The following MED4 variants were observed in gnomAD, a reference collection of about 807,000 sequenced individuals.
MED4 encodes the protein mediator of RNA polymerase II transcription subunit 4.
A neutral mutation model predicts 35.0 loss-of-function variants in MED4; 21 were observed. That is an observed-to-expected ratio of 0.60 (90% CI 0.43 to 0.86). The LOEUF is 0.86. Among genes scored for constraint, MED4 ranks in the 40% least tolerant of loss-of-function variants. MED4 has a pLI of 0.00. For synonymous variants in MED4, 138 were observed against 114.0 expected (o/e 1.21, Z -1.34); for missense variants, 300 against 319.4 (o/e 0.94, Z 0.46).
At chr13:48,084,105 A>G (rs1401918832) in intron 3 of MED4, among the ~76,000 whole-genome samples, 1 of 152,108 alleles carries the variant, frequency 6.6e-6, no homozygotes, top group Non-Finnish European at 1.5e-5. Flanking sequence ...TACTAAAAAT[A>G]CAAAAAATTT....
In MED4 at chr13:48,095,064, C is replaced by T. The variant is rs147349121; in HGVS notation, c.15G>A (p.Ser5=). MAAS[S]SGEKEKERLG... ...GCCGCTCCTTCTCCTTCTCACCACT[C>T]GAAGACGCAGCCATTTTCCCCAGAG... Residue 5 remains serine, a synonymous_variant, in exon 1 of 7, where the codon TCG becomes TCA. Transcript: ENST00000258648. The T allele has an allele frequency of 1.2e-6, 2 of 1,604,548 alleles. No homozygotes were observed. Among genetic ancestry groups the T allele is most frequent in the African/African-American group, 2.7e-5 (2 of 75,058 alleles).
At chr13:48,081,851 A>C in intron 4 of MED4, 120 bp from the exon 5 acceptor site, 2 of 528,450 alleles carry the variant, frequency 3.8e-6, no homozygotes, top group Non-Finnish European at 6.2e-6. Flanking sequence ...AAATAATCTC[A>C]GTCACCTGCC....
intron 3 of MED4, among the ~76,000 whole-genome samples, chr13:48,085,974 A>G (rs1566119245): frequency 6.6e-6 from 1 of 152,064 alleles, no homozygotes; most frequent in African/African-American, 2.4e-5. Flanking sequence ...GATTTAGACT[A>G]CTGATAATTA....
At chr13:48,088,905 T>C (rs1950870807) in intron 2 of MED4, among the ~76,000 whole-genome samples, 1 of 152,238 alleles carries the variant, frequency 6.6e-6, no homozygotes, top group Non-Finnish European at 1.5e-5. Context: ...GAAAATTACA[T>C]AGGAATCCAC....
Position 48,083,344 on chromosome 13 carries a change from GTCAT to G in MED4, c.421+23_421+26del, listed in dbSNP as rs777410257. The G allele has an allele frequency of 3.8e-6, 6 of 1,585,424 alleles. No homozygotes were observed. The South Asian group carries it at 5.7e-5, about 15-fold the overall frequency. ...TGAAACCAGAACCTTAACTTTTCAGGTCATTCAGTCTTCCCATGATACTAACCTT... is the reference window on the plus strand; with the variant it reads ...TGAAACCAGAACCTTAACTTTTCAGGTCAGTCTTCCCATGATACTAACCTT... On this transcript the variant is annotated intron_variant, in intron 4 of 6. Transcript: ENST00000258648.
At chr13:48,080,484 A>T (rs1163607884) in intron 5 of MED4, among the ~76,000 whole-genome samples, 1 of 151,700 alleles carries the variant, frequency 6.6e-6, no homozygotes, top group East Asian at 1.9e-4. Context: ...TTTAAAATAC[A>T]CGCATTTTAA....
intron 1 of MED4, among the ~76,000 whole-genome samples, chr13:48,093,009 A>G (rs945551997): frequency 2.0e-5 from 3 of 152,212 alleles, no homozygotes; most frequent in African/African-American, 7.2e-5. Context: ...GTCCTCCCCA[A>G]CTGCGAAAAA....
intron 4 of MED4, among the ~76,000 whole-genome samples, chr13:48,082,823 T>C (rs1387138012): frequency 9.6e-6 from 1 of 104,640 alleles, no homozygotes; most frequent in Non-Finnish European, 1.8e-5. Flanking sequence ...CGAGACTCCG[T>C]CTCAAAAAAA....
At chr13:48,087,141 G>A (rs769920902) in intron 2 of MED4, among the ~76,000 whole-genome samples, 24 of 151,494 alleles carry the variant, frequency 1.6e-4, no homozygotes, top group African/African-American at 3.9e-4. Context: ...CGAGGCAGGC[G>A]AATCACCAGA....
At chr13:48,094,894 C>CGGCT in intron 1 of MED4, 60 bp downstream of exon 1, 1 of 1,580,798 alleles carries the variant, frequency 6.3e-7, no homozygotes, top group South Asian at 1.1e-5. Flanking sequence ...CAGGGCCGGC[C>CGGCT]GGCTCCGGGG....
At chr13:48,082,122 T>G (rs1248524423) in intron 4 of MED4, among the ~76,000 whole-genome samples, 2 of 152,144 alleles carry the variant, frequency 1.3e-5, no homozygotes, top group African/African-American at 4.8e-5. Flanking sequence ...CTCTGTTCGA[T>G]CAATATGCCC....
chr13:48,093,622 CA>C (rs1277901463), intron 1 of MED4: 3 of 468,904 alleles, frequency 6.4e-6, no homozygotes, highest in African/African-American at 4.0e-5. Context: ...GAAGAAGTTC[CA>C]ATGATCCGCC....
chr13:48,087,138 G>C (rs889372283), intron 2 of MED4, among the ~76,000 whole-genome samples: 1 of 151,912 alleles, frequency 6.6e-6, no homozygotes, highest in Non-Finnish European at 1.5e-5. Context: ...GGCCGAGGCA[G>C]GCGAATCACC....
rs1197661986 is a variant in MED4 at position 48,095,096 on chromosome 13, C to T, written c.-18G>A. The T allele has an allele frequency of 1.2e-6, 2 of 1,600,880 alleles. No individual in the cohort carries two copies. Among genetic ancestry groups the T allele is most frequent in the African/African-American group, 1.3e-5 (1 of 74,934 alleles). On this transcript the variant is annotated 5_prime_UTR_variant, in exon 1 of 7. Coordinates refer to ENST00000258648, the MANE Select transcript of MED4 (RefSeq NM_014166.4). Reference sequence around the variant, plus strand: ...GCAGCCATTTTCCCCAGAGTCCCGCCACCGGCGCACGCGCAGAGCGAGCTG... The same window carrying T: ...GCAGCCATTTTCCCCAGAGTCCCGCTACCGGCGCACGCGCAGAGCGAGCTG...
chr13:48,077,722 G>C (rs990812840), intron 6 of MED4, among the ~76,000 whole-genome samples: 2 of 151,606 alleles, frequency 1.3e-5, no homozygotes, highest in African/African-American at 4.8e-5. Flanking sequence ...TTTAAGACTA[G>C]GAAAAAAATA....
At chr13:48,082,781 C>T (rs912632693) in intron 4 of MED4, among the ~76,000 whole-genome samples, 2 of 151,458 alleles carry the variant, frequency 1.3e-5, no homozygotes, top group African/African-American at 4.9e-5. Context: ...GCGCCGAGAT[C>T]GCGCCACTGC....
At chr13:48,084,243 G>C (rs1248204941) in intron 3 of MED4, among the ~76,000 whole-genome samples, 3 of 141,232 alleles carry the variant, frequency 2.1e-5, no homozygotes, top group South Asian at 2.4e-4. Context: ...CTGGGCAATA[G>C]AGCAAGAGCA....
chr13:48,079,212 T>TCA (rs1466219702), intron 6 of MED4, among the ~76,000 whole-genome samples: 1 of 152,200 alleles, frequency 6.6e-6, no homozygotes, highest in Non-Finnish European at 1.5e-5. Flanking sequence ...TGGGGGTTGT[T>TCA]CAGGAGTGTG....
chr13:48,088,146 A>G (rs750497244), intron 2 of MED4, among the ~76,000 whole-genome samples: 1 of 152,248 alleles, frequency 6.6e-6, no homozygotes, highest in Non-Finnish European at 1.5e-5. Context: ...AAGGCTAGTT[A>G]TTACGATCAC....
Sources: allele counts gnomAD v4.1 joint callset (sites outside exome capture counted in the v4.1 genomes callset), GRCh38; gene constraint gnomAD v4.1.1; transcripts MANE v1.5; gene names NCBI Gene and HGNC (gene_info 2026-07-23, HGNC 2026-07-21).